EYS: variants seen among roughly 807,000 people sequenced by gnomAD.
EYS encodes protein eyes shut homolog.
In EYS, 250 loss-of-function variants were observed where a neutral mutation model predicts 282.1. That is an observed-to-expected ratio of 0.89 (90% CI 0.80 to 0.98). EYS has a LOEUF of 0.98. Among genes scored for constraint, EYS ranks in the 50% least tolerant of loss-of-function variants. The pLI is 0.00. For missense variants in EYS, 4,016 were observed against 3,709.0 expected (o/e 1.08, Z -2.15); for synonymous variants, 1,355 against 1,282.9 (o/e 1.06, Z -1.20).
chr6:63,832,862 T>C (rs1037591139), intron 36 of EYS, among the ~76,000 whole-genome samples: 1 of 152,180 alleles, frequency 6.6e-6, no homozygotes, highest in Non-Finnish European at 1.5e-5. Flanking sequence ...AAAAAGCTTA[T>C]CCACCATGAT....
intron 29 of EYS, among the ~76,000 whole-genome samples, chr6:64,341,717 C>A (rs1351185545): frequency 6.6e-6 from 1 of 151,636 alleles, no homozygotes; most frequent in Non-Finnish European, 1.5e-5. Context: ...CCAACTACTC[C>A]CACTATCCAA....
chr6:65,085,496 C>T lies in EYS; in HGVS notation c.2024-27769G>A, dbSNP rs145584282. ...AAGCCAGCCAGAACAAGATTTATCA[C>T]TTGCTTTGTGTGTGATCTTGAATAG... is the stretch of plus-strand genomic sequence containing the variant. On this transcript the variant is annotated intron_variant, in intron 12 of 42. Transcript: ENST00000503581. 3.9e-5 allele frequency among the ~76,000 whole-genome samples: 6 copies of T among 152,322 alleles called. No homozygotes were observed. In the East Asian group the frequency reaches 1.2e-3, roughly 29 times the overall value.
chr6:65,565,424 C>T (rs539068653), intron 2 of EYS, among the ~76,000 whole-genome samples: 97 of 151,944 alleles, frequency 6.4e-4, no homozygotes, highest in Non-Finnish European at 1.1e-3. Context: ...GTTAGAATGG[C>T]GATCATTAAA....
chr6:65,154,055 C>A (rs1409561943), intron 12 of EYS, among the ~76,000 whole-genome samples: 2 of 151,784 alleles, frequency 1.3e-5, no homozygotes, highest in African/African-American at 4.8e-5. Flanking sequence ...TTTGGATTCA[C>A]CTATTCATTT....
chr6:64,189,405 T>C (rs1455294455), intron 31 of EYS, among the ~76,000 whole-genome samples: 1 of 152,188 alleles, frequency 6.6e-6, no homozygotes, highest in Non-Finnish European at 1.5e-5. Context: ...TTATGAAAAG[T>C]ATATGAAATT....
chr6:64,810,214 G>T (rs990824335), intron 22 of EYS, among the ~76,000 whole-genome samples: 24 of 151,904 alleles, frequency 1.6e-4, no homozygotes, highest in Non-Finnish European at 2.9e-4. Context: ...TAAAACTCCA[G>T]AAATAAAAAC....
intron 6 of EYS, among the ~76,000 whole-genome samples, chr6:65,404,418 T>C (rs1024418468): frequency 6.6e-6 from 1 of 152,006 alleles, no homozygotes; most frequent in Admixed American, 6.6e-5. Context: ...TTTTATTTTA[T>C]TTTTTGGTGG....
At chr6:65,109,733 G>A (rs1045014904) in intron 12 of EYS, among the ~76,000 whole-genome samples, 9 of 150,750 alleles carry the variant, frequency 6.0e-5, no homozygotes, top group Admixed American at 1.3e-4. Context: ...GTCCTTAGAC[G>A]TAGTCCAAAG....
At chr6:63,795,084 T>C (rs1256062832) in intron 37 of EYS, among the ~76,000 whole-genome samples, 4 of 152,182 alleles carry the variant, frequency 2.6e-5, no homozygotes, top group Admixed American at 6.5e-5. Context: ...GAAAAAAAAC[T>C]GGATCTCTCT....
intron 2 of EYS, among the ~76,000 whole-genome samples, chr6:65,607,960 T>C (rs1453316129): frequency 6.6e-6 from 1 of 152,036 alleles, no homozygotes; most frequent in Non-Finnish European, 1.5e-5. Context: ...TTTCATATTC[T>C]TATATTTTTA....
chr6:64,693,218 T>C (rs1343621845), intron 22 of EYS, among the ~76,000 whole-genome samples: 1 of 151,838 alleles, frequency 6.6e-6, no homozygotes, highest in East Asian at 1.9e-4. Flanking sequence ...AAAGACTTAA[T>C]TTTTTTCATT....
intron 22 of EYS, among the ~76,000 whole-genome samples, chr6:64,671,647 T>G (rs1454954094): frequency 6.6e-6 from 1 of 152,118 alleles, no homozygotes; most frequent in Non-Finnish European, 1.5e-5. Flanking sequence ...AATTTAATGA[T>G]GAAAATAACA....
intron 5 of EYS, among the ~76,000 whole-genome samples, chr6:65,456,909 T>A (rs1350359381): frequency 2.0e-5 from 3 of 152,136 alleles, no homozygotes; most frequent in Admixed American, 1.3e-4. Context: ...TATAGAGAAA[T>A]TCAAGTGTTT....
chr6:65,316,639 C>T (rs999934000), intron 11 of EYS, among the ~76,000 whole-genome samples: 8 of 151,610 alleles, frequency 5.3e-5, no homozygotes, highest in African/African-American at 1.2e-4. Flanking sequence ...TAGCCCCTCT[C>T]CCCCTGGCAG....
chr6:65,186,017 G>T (rs953949799), intron 12 of EYS, among the ~76,000 whole-genome samples: 2 of 109,062 alleles, frequency 1.8e-5, no homozygotes, highest in Non-Finnish European at 4.0e-5. Flanking sequence ...TTCTCTTCAC[G>T]TATTAGTTCC....
chr6:64,118,258 G>A (rs2150271666), intron 31 of EYS, among the ~76,000 whole-genome samples: 1 of 152,126 alleles, frequency 6.6e-6, no homozygotes, highest in East Asian at 1.9e-4. Context: ...AAACAAAGCT[G>A]GAGGCATCAC....
intron 8 of EYS, among the ~76,000 whole-genome samples, chr6:65,369,807 C>T (rs1278986106): frequency 1.3e-5 from 2 of 151,548 alleles, no homozygotes; most frequent in African/African-American, 4.8e-5. Context: ...TAGACATTGC[C>T]ACATATTACC....
intron 19 of EYS, among the ~76,000 whole-genome samples, chr6:64,886,312 C>T (rs1583259829): frequency 6.6e-6 from 1 of 151,564 alleles, no homozygotes; most frequent in African/African-American, 2.4e-5. Flanking sequence ...CAATGGCTGT[C>T]TTTTTATGTA....
intron 8 of EYS, among the ~76,000 whole-genome samples, chr6:65,380,915 G>A (rs149180926): frequency 0.017 from 2,576 of 152,120 alleles, 59 homozygotes; most frequent in African/African-American, 0.057. Context: ...AAACCACAAC[G>A]AGATACCATC....
Sources: allele counts gnomAD v4.1 joint callset (sites outside exome capture counted in the v4.1 genomes callset), GRCh38; gene constraint gnomAD v4.1.1; transcripts MANE v1.5; gene names NCBI Gene and HGNC (gene_info 2026-07-23, HGNC 2026-07-21).